The following ATG9B variants were observed in gnomAD, a reference collection of about 807,000 sequenced individuals.
ATG9B encodes autophagy-related protein 9B.
Under a neutral mutation model 92.9 loss-of-function variants are expected in ATG9B, and 92 were observed. The observed-to-expected ratio is 0.99, with a 90% CI of 0.84 to 1.18. ATG9B has a LOEUF of 1.18. ATG9B is among the 50% of genes most tolerant of loss of function. The pLI, the probability that ATG9B is intolerant of heterozygous loss-of-function variation, is 0.00. For synonymous variants in ATG9B, 599 were observed against 551.4 expected, an observed-to-expected ratio of 1.09 and a Z score of -1.21; for missense variants, 1,344 against 1,235.0, an observed-to-expected ratio of 1.09 and a Z score of -1.32.
chr7:151,013,409 C>G, downstream of ATG9B: 1 of 1,596,626 alleles, frequency 6.3e-7, no homozygotes, highest in South Asian at 1.1e-5. Context: ...CAATGGTAAC[C>G]TGAAGATAGG....
At chr7:151,017,605 G>C (rs1795553404) in intron 8 of ATG9B, among the ~76,000 whole-genome samples, 1 of 152,148 alleles carries the variant, frequency 6.6e-6, no homozygotes, top group African/African-American at 2.4e-5. Context: ...CCCATTTACT[G>C]ACGTTACTAT....
In ATG9B at chr7:151,018,519, G is replaced by T; in HGVS notation, c.1719-72C>A. ...CGCGCGGTGGGATGTAGGGCTAGAG[G>T]GCCCCAGTGGTGGGAGAGGTAAGGA... On this transcript the variant is annotated intron_variant, in intron 6 of 13. Coordinates refer to ENST00000639579, the MANE Select transcript of ATG9B (RefSeq NM_001317056.2). The surrounding 1 kb of genome is among the most constrained non-coding windows in gnomAD (Gnocchi z 4.7). 6.6e-7 allele frequency: 1 copy of T among 1,520,452 alleles called. No individual in the cohort carries two copies. The highest frequency in any genetic ancestry group is 8.8e-7 in the Non-Finnish European group (1 of 1,136,290). The allele number at this position is 1,520,452 out of a possible 1,614,324, so 94.2% of individuals were successfully genotyped here. A position where few individuals can be genotyped will look rare whatever the true frequency, so the allele number is the denominator to read the frequency against.
At chr7:151,021,748 C>T (rs953276734) in intron 4 of ATG9B, among the ~76,000 whole-genome samples, 1 of 151,504 alleles carries the variant, frequency 6.6e-6, no homozygotes, top group African/African-American at 2.4e-5. Flanking sequence ...CTCCCGGGTT[C>T]AAATGATTCT....
In ATG9B at chr7:151,015,621, C is replaced by T; in HGVS notation, c.*107G>A. 2.7e-6 allele frequency: 1 copy of T among 370,348 alleles called. No homozygotes were observed. The highest frequency in any genetic ancestry group is 7.4e-5 in the South Asian group (1 of 13,442). The allele number at this position is 370,348 out of a possible 1,614,324, so 22.9% of individuals were successfully genotyped here. ...TCCCAGGTCCTGCCCAACTAAAGCA[C>T]CTGGGCCTGTCATCTATGGGGCCTC... is the stretch of plus-strand genomic sequence containing the variant. On this transcript the variant is annotated 3_prime_UTR_variant, in exon 14 of 14. Coordinates refer to ENST00000639579, the MANE Select transcript of ATG9B (RefSeq NM_001317056.2).
Position 151,017,103 on chromosome 7 carries a change from G to T in ATG9B, c.2222C>A (p.Ala741Asp), listed in dbSNP as rs199763238. 6.2e-7 allele frequency: 1 copy of T among 1,611,872 alleles called. No homozygotes were observed. Among genetic ancestry groups the T allele is most frequent in the East Asian group, 2.2e-5 (1 of 44,826 alleles). ...LWGRVQQDAA[A>D]WGATSARGPS... ...GCCGCGAGCCGAGGTGGCACCCCAG[G>T]CAGCTGCATCTTGTTGTACTCGGCC... Residue 741 changes from alanine (A) to aspartate (D), a missense_variant, in exon 9 of 14, where the codon GCC becomes GAC. Coordinates refer to ENST00000639579, the MANE Select transcript of ATG9B (RefSeq NM_001317056.2).
At position 151,018,219 on chromosome 7, in the gene ATG9B, C is replaced by T; in HGVS notation, c.1872+75G>A. 1 of 1,486,264 alleles carries T rather than the reference C, an allele frequency of 6.7e-7. No individual in the cohort carries two copies. Among genetic ancestry groups the T allele is most frequent in the African/African-American group, 1.5e-5 (1 of 65,316 alleles). The allele number at this position is 1,486,264 out of a possible 1,614,324, so 92.1% of individuals were successfully genotyped here. A position where few individuals can be genotyped will look rare whatever the true frequency, so the allele number is the denominator to read the frequency against. On this transcript the variant is annotated intron_variant, in intron 7 of 13. Coordinates refer to ENST00000639579, the MANE Select transcript of ATG9B (RefSeq NM_001317056.2). This position sits in a 1 kb window ranked among gnomAD's most constrained non-coding sequence, Gnocchi z 4.7. ...TCTCATGCCCTCTCCCAGACAGACCCTCCGCGCAGACAGACCCTCCGCGCA... is the reference window on the plus strand; with the variant it reads ...TCTCATGCCCTCTCCCAGACAGACCTTCCGCGCAGACAGACCCTCCGCGCA...
downstream of ATG9B, chr7:151,012,431 G>A (rs368502694): frequency 3.1e-6 from 5 of 1,611,006 alleles, no homozygotes; most frequent in African/African-American, 1.3e-5. Context: ...GCCCCCTTCC[G>A]GGGATTCTGG....
chr7:151,016,835 G>C lies in ATG9B; in HGVS notation c.2290-14C>G. 6.3e-7 allele frequency: 1 copy of C among 1,594,642 alleles called. No individual in the cohort carries two copies. Among genetic ancestry groups the C allele is most frequent in the Non-Finnish European group, 8.5e-7 (1 of 1,170,900 alleles). ...GAAGGCCTCAGGCTGGGTGCAAGAGGAGAGGGAAAGCCAAAGAGGGAGTCA... is the reference window on the plus strand; with the variant it reads ...GAAGGCCTCAGGCTGGGTGCAAGAGCAGAGGGAAAGCCAAAGAGGGAGTCA... On this transcript the variant is annotated splice_polypyrimidine_tract_variant and intron_variant, in intron 9 of 13. Coordinates refer to ENST00000639579, the MANE Select transcript of ATG9B (RefSeq NM_001317056.2).
chr7:151,013,810 C>T (rs1276390408), downstream of ATG9B: 1 of 1,610,104 alleles, frequency 6.2e-7, no homozygotes, highest in Non-Finnish European at 8.5e-7. Context: ...TGTTTGTCTG[C>T]GGCGATGTTA....
chr7:151,019,529 C>A (rs774408312), intron 5 of ATG9B, among the ~76,000 whole-genome samples, 155 bp from the exon 6 acceptor site: 2 of 152,214 alleles, frequency 1.3e-5, no homozygotes, highest in Non-Finnish European at 2.9e-5. Context: ...CCTCTCCCAC[C>A]TTTCTCTTTC....
chr7:151,018,046 G>A lies in ATG9B; in HGVS notation c.1877C>T (p.Ser626Phe). ...MAQLLQYRAV[S>F]LLEELLSPLL... ...CGGGGACAGGAGCTCCTCCAGGAGG[G>A]AGACCTGGGGAAGCAGCGGTGAGGC... Residue 626 changes from serine (S) to phenylalanine (F), a missense_variant, in exon 8 of 14, where the codon TCC (serine) becomes TTC (phenylalanine). By Grantham distance (155) the Ser-to-Phe change is radical. Transcript: ENST00000639579. The surrounding 1 kb of genome is among the most constrained non-coding windows in gnomAD (Gnocchi z 4.7). The A allele has an allele frequency of 6.3e-7, 1 of 1,580,222 alleles. No individual in the cohort carries two copies. The highest frequency in any genetic ancestry group is 8.6e-7 in the Non-Finnish European group (1 of 1,162,276).
intron 4 of ATG9B, among the ~76,000 whole-genome samples, chr7:151,021,542 G>A (rs1795747808): frequency 1.3e-5 from 2 of 152,124 alleles, no homozygotes; most frequent in South Asian, 4.1e-4. Context: ...AATGCTTTCT[G>A]ATGTTTTCAT....
chr7:151,021,652 C>CTT lies in ATG9B; in HGVS notation c.822-325_822-324dup, dbSNP rs36096005. On this transcript the variant is annotated intron_variant, in intron 4 of 13. Transcript: ENST00000639579. Reference sequence around the variant, plus strand: ...CTGATGAAATGTGTGCTTGTACACTCTTTTTTTTTTTTTTTGAGATGGAGT... The same window carrying CTT: ...CTGATGAAATGTGTGCTTGTACACTCTTTTTTTTTTTTTTTTTGAGATGGAGT... Among the ~76,000 whole-genome samples, 966 of 142,184 alleles carry CTT rather than the reference C, an allele frequency of 6.8e-3. 10 individuals carry two copies. The highest frequency in any genetic ancestry group is 0.028 in the South Asian group (123 of 4,420). The allele number at this position is 142,184 out of a possible 152,430, so 93.3% of individuals were successfully genotyped here. A position where few individuals can be genotyped will look rare whatever the true frequency, so the allele number is the denominator to read the frequency against.
In ATG9B at chr7:151,017,965, A is replaced by G; in HGVS notation, c.1958T>C (p.Ile653Thr). Residue 653 changes from isoleucine to threonine, a missense_variant, in exon 8 of 14, where the codon ATC becomes ACC. Physicochemically the swap from Ile to Thr is moderately conservative, Grantham distance 89. Coordinates refer to ENST00000639579, the MANE Select transcript of ATG9B (RefSeq NM_001317056.2). ...CACAGTGAAGTGATGAAAAAAGTCG[A>G]TAATCTCCAGGGCACGAGGGCGGAA... is the stretch of plus-strand genomic sequence containing the variant. ...FWFRPRALEI[I>T]DFFHHFTVDV... is the part of the protein sequence containing the mutation. The G allele has an allele frequency of 3.1e-6, 5 of 1,608,196 alleles. No individual in the cohort carries two copies. The highest frequency in any genetic ancestry group is 4.2e-6 in the Non-Finnish European group (5 of 1,177,102).
intron 8 of ATG9B, among the ~76,000 whole-genome samples, 161 bp from the exon 9 acceptor site, chr7:151,017,433 T>C (rs555587529): frequency 6.6e-6 from 1 of 152,288 alleles, no homozygotes; most frequent in South Asian, 2.1e-4. Context: ...AACCTGGGCC[T>C]GTCATCTATT....
At chr7:151,014,115 G>A (rs148530358), downstream of ATG9B, 650 of 1,613,526 alleles carry the variant, frequency 4.0e-4, 6 homozygotes, top group South Asian at 1.1e-3. Flanking sequence ...GTCAGTTGCG[G>A]GGCGCAGTGC....
At chr7:151,019,707 C>T in intron 5 of ATG9B, 1 of 274,252 alleles carries the variant, frequency 3.6e-6, no homozygotes. Flanking sequence ...GGGCCTGAGG[C>T]CCCCTCAGTT....
In ATG9B at chr7:151,023,705, C is replaced by G. The variant is rs572227770; in HGVS notation, c.576G>C (p.Leu192=). ...AGGATATCTTGGTGAAGAAACTGTCCAGGTTCTGGATGTGATGCCAGGAGC... is the reference window on the plus strand; with the variant it reads ...AGGATATCTTGGTGAAGAAACTGTCGAGGTTCTGGATGTGATGCCAGGAGC... ...LRGSWHHIQN[L]DSFFTKIYSY... The change falls in exon 2 of 14, where the codon CTG becomes CTC. Residue 192 remains leucine, a synonymous_variant. Coordinates refer to ENST00000639579, the MANE Select transcript of ATG9B (RefSeq NM_001317056.2). The G allele has an allele frequency of 1.9e-6, 3 of 1,614,084 alleles. No individual in the cohort carries two copies. The African/African-American group carries it at 4.0e-5, about 22-fold the overall frequency.
In ATG9B at chr7:151,021,130, CT is replaced by C. The variant is rs56896707; in HGVS notation, c.963+57del. The C allele has an allele frequency of 8.8e-6, 14 of 1,595,394 alleles. No homozygotes were observed. The African/African-American group carries it at 1.9e-4, about 21-fold the overall frequency. On this transcript the variant is annotated intron_variant, in intron 5 of 13. Coordinates refer to ENST00000639579, the MANE Select transcript of ATG9B (RefSeq NM_001317056.2). ...CACCTGTACAGTCCCACTTCTTCCC[CT>C]CTCCTCTGCCCACCCTCTCACGGCA...
Sources: allele counts gnomAD v4.1 joint callset (sites outside exome capture counted in the v4.1 genomes callset), GRCh38; gene constraint gnomAD v4.1.1; non-coding constraint Gnocchi (gnomAD v3.1); transcripts MANE v1.5; gene names NCBI Gene and HGNC (gene_info 2026-07-23, HGNC 2026-07-21).